The following HTRA3 variants were observed in gnomAD, a reference collection of about 807,000 sequenced individuals.
HTRA3 encodes serine protease HTRA3.
A neutral mutation model predicts 43.2 loss-of-function variants in HTRA3; 41 were observed. The observed-to-expected ratio is 0.95, with a 90% CI of 0.74 to 1.23. The LOEUF is 1.23. Among genes scored for constraint, HTRA3 ranks in the 50% most tolerant of loss-of-function variants. The probability of loss-of-function intolerance (pLI) is 0.00; values close to 1 mark genes in which losing one functional copy is unlikely to be tolerated. For missense variants in HTRA3, 628 were observed against 647.1 expected, an observed-to-expected ratio of 0.97 and a Z score of 0.32; for synonymous variants, 295 against 287.9, an observed-to-expected ratio of 1.02 and a Z score of -0.25.
chr4:8,280,745 C>T (rs187103626), intron 1 of HTRA3, among the ~76,000 whole-genome samples: 32 of 152,158 alleles, frequency 2.1e-4, no homozygotes, highest in African/African-American at 7.0e-4. Flanking sequence ...GCCGGCGTCT[C>T]CCAGCCAGGC....
chr4:8,274,250 C>T (rs564313302), intron 1 of HTRA3, among the ~76,000 whole-genome samples: 1 of 152,260 alleles, frequency 6.6e-6, no homozygotes, highest in Non-Finnish European at 1.5e-5. Flanking sequence ...CACTGCCCGG[C>T]GTTTCCTTCC....
At chr4:8,272,435 G>T (rs7655419) in intron 1 of HTRA3, among the ~76,000 whole-genome samples, 13 of 152,130 alleles carry the variant, frequency 8.5e-5, no homozygotes, top group Admixed American at 6.5e-4. Context: ...TCAGTGCTCC[G>T]GGGTCTGCAG....
rs886791495 is a variant in HTRA3, at chr4:8,292,373, A to C, written c.936+20A>C. ...AACCTGGTAAGTGTCCCCTAGAGCC[A>C]AAATCTCTCAGGTTTCTGGGGTTCT... On this transcript the variant is annotated intron_variant, in intron 5 of 8. Transcript: ENST00000307358. 3.7e-6 allele frequency: 6 copies of C among 1,608,240 alleles called. No individual in the cohort carries two copies. Among genetic ancestry groups the C allele is most frequent in the Non-Finnish European group, 5.1e-6 (6 of 1,175,698 alleles).
chr4:8,302,570 C>A, intron 7 of HTRA3, 59 bp downstream of exon 7: 2 of 1,544,734 alleles, frequency 1.3e-6, no homozygotes, highest in Non-Finnish European at 1.8e-6. Context: ...TCACCCTGAC[C>A]CTCCCTCCAG....
Position 8,302,567 on chromosome 4 carries a change from G to A in HTRA3, c.1100+56G>A. ...ACCCCTTCCTCTCATCCCTCACCCT[G>A]ACCCTCCCTCCAGACCCTGGCTGGC... On this transcript the variant is annotated intron_variant, in intron 7 of 8. Transcript: ENST00000307358. 5 of 1,557,768 alleles carry A rather than the reference G, an allele frequency of 3.2e-6. No homozygotes were observed. In the South Asian group the frequency reaches 4.5e-5, roughly 14 times the overall value.
At chr4:8,272,230 T>C (rs1378291055) in intron 1 of HTRA3, among the ~76,000 whole-genome samples, 2 of 152,170 alleles carry the variant, frequency 1.3e-5, no homozygotes, top group East Asian at 3.9e-4. Context: ...AGGCACTTTC[T>C]CTGTGTGCCT....
At chr4:8,273,171 G>C (rs1369681921) in intron 1 of HTRA3, among the ~76,000 whole-genome samples, 1 of 152,232 alleles carries the variant, frequency 6.6e-6, no homozygotes, top group African/African-American at 2.4e-5. Flanking sequence ...TGCAGGCTAT[G>C]CTCTGTGGGC....
rs149359110 is a variant in HTRA3 at position 8,279,817 on chromosome 4, A to C, written c.386-2620A>C. The stretch of plus-strand genomic sequence containing the variant: ...CCTGGGTCAGGGCACCTCTGCACTC[A>C]CCCACCCCACGCCGGGCTCCTCTCT... On this transcript the variant is annotated intron_variant, in intron 1 of 8. Coordinates refer to ENST00000307358, the MANE Select transcript of HTRA3 (RefSeq NM_053044.5). This position sits in a 1 kb window ranked among gnomAD's most constrained non-coding sequence, Gnocchi z 7.4. 1.3e-3 allele frequency among the ~76,000 whole-genome samples: 195 copies of C among 151,814 alleles called. 2 individuals are homozygous for C. The highest frequency in any genetic ancestry group is 4.5e-3 in the African/African-American group (186 of 41,368).
intron 1 of HTRA3, 63 bp downstream of exon 1, chr4:8,270,416 A>AT: frequency 1.5e-6 from 2 of 1,352,582 alleles, no homozygotes; most frequent in Admixed American, 8.1e-5. Context: ...TAAGGCCGGG[A>AT]GTTAGGGCCG....
Position 8,305,954 on chromosome 4 carries a change from G to T in HTRA3, c.1197-17G>T. The T allele has an allele frequency of 1.2e-6, 2 of 1,611,110 alleles. No homozygotes were observed. ...TGGGGAGGCGGTGGGTGGTGACCCC[G>T]TCTCTCCTGTTGGCAGAGGCGGCAT... On this transcript the variant is annotated splice_polypyrimidine_tract_variant and intron_variant, in intron 8 of 8. Coordinates refer to ENST00000307358, the MANE Select transcript of HTRA3 (RefSeq NM_053044.5).
At chr4:8,293,477 C>T (rs1225416942) in intron 5 of HTRA3, among the ~76,000 whole-genome samples, 1 of 152,118 alleles carries the variant, frequency 6.6e-6, no homozygotes, top group Non-Finnish European at 1.5e-5. Flanking sequence ...GCTGGCCAGG[C>T]CCTGACAGGG....
At chr4:8,284,800 T>C (rs1712891724) in intron 2 of HTRA3, among the ~76,000 whole-genome samples, 1 of 152,182 alleles carries the variant, frequency 6.6e-6, no homozygotes, top group Non-Finnish European at 1.5e-5. Context: ...CCTAGGCAAG[T>C]AGTTCAGCGT....
chr4:8,287,773 G>A (rs1713054574), intron 3 of HTRA3, among the ~76,000 whole-genome samples: 2 of 152,176 alleles, frequency 1.3e-5, no homozygotes, highest in African/African-American at 2.4e-5. Flanking sequence ...GATTTCAGAC[G>A]GGGCAACTGA....
rs1713487292 is a variant in HTRA3, at chr4:8,297,236, CTTG to C, written c.1051+3036_1051+3038del. ...GGGCAGGGAGGCTGGTGGCCCCATA[CTTG>C]GTGTGTGTTCTGCTCACCTCTCAAG... On this transcript the variant is annotated intron_variant, in intron 6 of 8. Transcript: ENST00000307358. The surrounding 1 kb of genome is among the most constrained non-coding windows in gnomAD (Gnocchi z 5.8). 6.6e-6 allele frequency among the ~76,000 whole-genome samples: 1 copy of C among 151,944 alleles called. No homozygotes were observed. Among genetic ancestry groups the C allele is most frequent in the Non-Finnish European group, 1.5e-5 (1 of 68,012 alleles).
intron 6 of HTRA3, among the ~76,000 whole-genome samples, chr4:8,294,576 C>T (rs1398631125): frequency 1.1e-5 from 1 of 88,062 alleles, no homozygotes; most frequent in Non-Finnish European, 2.2e-5. Flanking sequence ...ATCCGTCCGT[C>T]CGTCCGTCCA....
intron 3 of HTRA3, among the ~76,000 whole-genome samples, chr4:8,287,918 C>G (rs1445235577): frequency 6.6e-6 from 1 of 152,236 alleles, no homozygotes. Flanking sequence ...CTGGGGACCA[C>G]AGTTGAGTTA....
At chr4:8,292,010 C>T (rs887871394) in intron 4 of HTRA3, among the ~76,000 whole-genome samples, 1 of 152,216 alleles carries the variant, frequency 6.6e-6, no homozygotes, top group Non-Finnish European at 1.5e-5. Context: ...GAGGGCCCCC[C>T]CAGGCCAGCA....
intron 6 of HTRA3, among the ~76,000 whole-genome samples, chr4:8,301,959 A>G (rs571200284): frequency 2.0e-5 from 3 of 152,144 alleles, no homozygotes; most frequent in Admixed American, 2.0e-4. Context: ...AGCTTGGGGG[A>G]TGGAGACACT....
chr4:8,272,068 GC>G (rs1712303425), intron 1 of HTRA3, among the ~76,000 whole-genome samples: 1 of 152,282 alleles, frequency 6.6e-6, no homozygotes. Flanking sequence ...GCCCGTTGCA[GC>G]CCAGCTGTGT....
Sources: allele counts gnomAD v4.1 joint callset (sites outside exome capture counted in the v4.1 genomes callset), GRCh38; gene constraint gnomAD v4.1.1; non-coding constraint Gnocchi (gnomAD v3.1); transcripts MANE v1.5; gene names NCBI Gene and HGNC (gene_info 2026-07-23, HGNC 2026-07-21).